The following TRPC6 variants were observed in gnomAD, a reference collection of about 807,000 sequenced individuals.
TRPC6 encodes the protein transient receptor potential cation channel subfamily C member 6, also known as short transient receptor potential channel 6.
Under a neutral mutation model 90.7 loss-of-function variants are expected in TRPC6, and 55 were observed. The observed-to-expected ratio is 0.61, with a 90% CI of 0.49 to 0.76. TRPC6 has a LOEUF of 0.76. Ranked by LOEUF, TRPC6 falls within the 30% of genes least tolerant of loss-of-function variation. The pLI is 0.00. For synonymous variants in TRPC6, 393 were observed against 393.0 expected (o/e 1.00, Z 0.00); for missense variants, 989 against 1,122.7 (o/e 0.88, Z 1.70).
chr11:101,476,614 G>A, intron 5 of TRPC6, 80 bp from the exon 6 acceptor site: 2 of 1,302,616 alleles, frequency 1.5e-6, no homozygotes, highest in Non-Finnish European at 1.1e-6. Context: ...TGTTTGAAAG[G>A]TCTCAGCCTG....
At chr11:101,464,931 G>T (rs750146034) in intron 10 of TRPC6, among the ~76,000 whole-genome samples, 9 of 152,132 alleles carry the variant, frequency 5.9e-5, no homozygotes, top group Non-Finnish European at 1.0e-4. Context: ...AGCTTGTACC[G>T]GTTTTTCCTT....
At chr11:101,541,247 T>C (rs576914282) in intron 1 of TRPC6, among the ~76,000 whole-genome samples, 2 of 152,350 alleles carry the variant, frequency 1.3e-5, no homozygotes, top group South Asian at 4.1e-4. Context: ...CCAAAATGTT[T>C]AAACTCATTC....
chr11:101,569,936 AC>A (rs545280273), intron 1 of TRPC6, among the ~76,000 whole-genome samples: 139 of 152,212 alleles, frequency 9.1e-4, no homozygotes, highest in African/African-American at 3.3e-3. Context: ...TAAAATTGAC[AC>A]CCGAACATCA....
chr11:101,464,888 G>T (rs560455333), intron 10 of TRPC6, among the ~76,000 whole-genome samples: 2 of 152,152 alleles, frequency 1.3e-5, no homozygotes, highest in African/African-American at 4.8e-5. Context: ...TCATAGTGTC[G>T]ATGGTCTTTA....
chr11:101,483,468 A>C (rs1428795116), intron 4 of TRPC6, among the ~76,000 whole-genome samples: 1 of 152,202 alleles, frequency 6.6e-6, no homozygotes, highest in African/African-American at 2.4e-5. Flanking sequence ...TAATAATATC[A>C]GCATTATTCA....
chr11:101,467,421 C>T (rs1859174327), intron 10 of TRPC6, among the ~76,000 whole-genome samples: 1 of 152,114 alleles, frequency 6.6e-6, no homozygotes, highest in South Asian at 2.1e-4. Context: ...CACTATGTGC[C>T]AGGCCCTGTT....
At chr11:101,489,140 G>GA (rs764013610) in intron 3 of TRPC6, 39 bp from the exon 4 acceptor site, 5 of 1,595,502 alleles carry the variant, frequency 3.1e-6, no homozygotes, top group Non-Finnish European at 4.3e-6. Context: ...TTTGACTAAA[G>GA]AAAGGTTCAG....
intron 1 of TRPC6, among the ~76,000 whole-genome samples, chr11:101,509,225 T>C (rs538180404): frequency 2.0e-5 from 3 of 151,818 alleles, no homozygotes; most frequent in Non-Finnish European, 4.4e-5. Flanking sequence ...CAGCCTCCTG[T>C]GTAGCTGGGA....
chr11:101,572,270 A>G (rs1462666904), intron 1 of TRPC6, among the ~76,000 whole-genome samples: 1 of 152,174 alleles, frequency 6.6e-6, no homozygotes, highest in African/African-American at 2.4e-5. Context: ...ATATGAAAAA[A>G]AAACTCATTA....
chr11:101,536,399 TCC>T (rs778827135), intron 1 of TRPC6, among the ~76,000 whole-genome samples: 5 of 86,700 alleles, frequency 5.8e-5, no homozygotes, highest in Non-Finnish European at 1.0e-4. Context: ...AGCCCCTCCC[TCC>T]CCCCCACCAA....
At position 101,583,591 on chromosome 11, in the gene TRPC6, C is replaced by T. The variant is rs1300483096; in HGVS notation, c.-88G>A. 4 of 1,371,500 alleles carry T rather than the reference C, an allele frequency of 2.9e-6. No individual in the cohort carries two copies. The highest frequency in any genetic ancestry group is 1.6e-5 in the South Asian group (1 of 61,622). 85.0% of individuals were successfully genotyped at this position (1,371,500 alleles called of 1,614,324 possible). ...GGGACCCGGTGCGGAGGGTTCGCGT[C>T]AGCGGCCGAACTGGACCTGGGCAGA... On this transcript the variant is annotated 5_prime_UTR_variant, in exon 1 of 13. Coordinates refer to ENST00000344327, the MANE Select transcript of TRPC6 (RefSeq NM_004621.6).
At chr11:101,469,561 G>A (rs1859237736) in intron 9 of TRPC6, 60 bp from the exon 10 acceptor site, 3 of 688,742 alleles carry the variant, frequency 4.4e-6, no homozygotes, top group East Asian at 2.7e-5. Context: ...TCTTCATTCT[G>A]TATTTTAAAA....
chr11:101,467,815 G>A (rs1156876101), intron 10 of TRPC6, among the ~76,000 whole-genome samples: 2 of 152,118 alleles, frequency 1.3e-5, no homozygotes, highest in East Asian at 3.9e-4. Context: ...AAAACAGGCT[G>A]AAGACTAAAT....
chr11:101,471,489 C>G (rs879444432), intron 8 of TRPC6, 103 bp from the exon 9 acceptor site: 111 of 1,176,326 alleles, frequency 9.4e-5, no homozygotes, highest in Non-Finnish European at 1.3e-4. Context: ...CCTATAAACA[C>G]TCTCAGACCC....
chr11:101,480,319 C>T (rs1046450428), intron 5 of TRPC6, among the ~76,000 whole-genome samples: 2 of 151,920 alleles, frequency 1.3e-5, no homozygotes, highest in Non-Finnish European at 2.9e-5. Context: ...CTTTTCATTC[C>T]TCCAGTTCCA....
chr11:101,510,233 A>G (rs1860366869), intron 1 of TRPC6, among the ~76,000 whole-genome samples: 1 of 152,144 alleles, frequency 6.6e-6, no homozygotes, highest in African/African-American at 2.4e-5. Flanking sequence ...ACAACTTTTT[A>G]AGTAACAGAT....
intron 1 of TRPC6, among the ~76,000 whole-genome samples, chr11:101,506,634 G>A (rs530378268): frequency 3.0e-4 from 46 of 151,864 alleles, no homozygotes; most frequent in African/African-American, 7.5e-4. Context: ...TGTAAGTTTC[G>A]AAAATGACAT....
At chr11:101,563,070 A>G (rs1367369598) in intron 1 of TRPC6, among the ~76,000 whole-genome samples, 1 of 152,214 alleles carries the variant, frequency 6.6e-6, no homozygotes, top group Admixed American at 6.5e-5. Flanking sequence ...CTAGCCATAT[A>G]TAACAATTTA....
intron 1 of TRPC6, among the ~76,000 whole-genome samples, chr11:101,551,774 T>A (rs1861455779): frequency 6.6e-6 from 1 of 152,092 alleles, no homozygotes; most frequent in Non-Finnish European, 1.5e-5. Flanking sequence ...TTCAAGGACA[T>A]CTCTAAAGCA....
Sources: allele counts gnomAD v4.1 joint callset (sites outside exome capture counted in the v4.1 genomes callset), GRCh38; gene constraint gnomAD v4.1.1; transcripts MANE v1.5; gene names NCBI Gene and HGNC (gene_info 2026-07-23, HGNC 2026-07-21).